TPTE2: variants seen among roughly 807,000 people sequenced by gnomAD.
The protein encoded by TPTE2 is phosphatidylinositol 3,4,5-trisphosphate 3-phosphatase TPTE2.
In TPTE2, 53 loss-of-function variants were observed where a neutral mutation model predicts 78.6. That is an observed-to-expected ratio of 0.67 (90% CI 0.54 to 0.85). The LOEUF (loss-of-function observed/expected upper bound fraction) is 0.85. Among genes scored for constraint, TPTE2 ranks in the 40% least tolerant of loss-of-function variants. The pLI, the probability that TPTE2 is intolerant of heterozygous loss-of-function variation, is 0.00. For missense variants in TPTE2, 461 were observed against 623.0 expected, an observed-to-expected ratio of 0.74 and a Z score of 2.77; for synonymous variants, 175 against 206.2, an observed-to-expected ratio of 0.85 and a Z score of 1.30.
At chr13:19,449,406 G>C (rs1240334389) in intron 13 of TPTE2, among the ~76,000 whole-genome samples, 1 of 152,124 alleles carries the variant, frequency 6.6e-6, no homozygotes, top group African/African-American at 2.4e-5. Context: ...CTCCCAAAGT[G>C]CTGGGATTAC....
At chr13:19,489,405 C>T (rs1363603034) in intron 3 of TPTE2, among the ~76,000 whole-genome samples, 2 of 151,524 alleles carry the variant, frequency 1.3e-5, no homozygotes, top group Non-Finnish European at 1.5e-5. Context: ...TGCATATACA[C>T]ACACATATAT....
At chr13:19,425,982 C>A in intron 18 of TPTE2, 1 of 387,472 alleles carries the variant, frequency 2.6e-6, no homozygotes, top group Non-Finnish European at 5.0e-6. Flanking sequence ...TTGCTTGAGC[C>A]CAGGAGGGTG....
At chr13:19,513,568 A>G (rs1403232640) in intron 1 of TPTE2, among the ~76,000 whole-genome samples, 3 of 152,160 alleles carry the variant, frequency 2.0e-5, no homozygotes, top group Non-Finnish European at 2.9e-5. Context: ...TGCATACACG[A>G]CTTTTTTTGT....
upstream of TPTE2, among the ~76,000 whole-genome samples, chr13:19,541,743 T>G (rs539090052): frequency 7.2e-4 from 109 of 152,332 alleles, no homozygotes; most frequent in African/African-American, 2.5e-3. Context: ...TAAATTACCC[T>G]GACATTGTGG....
intron 4 of TPTE2, among the ~76,000 whole-genome samples, chr13:19,480,614 A>G (rs1880285704): frequency 6.6e-6 from 1 of 152,172 alleles, no homozygotes; most frequent in African/African-American, 2.4e-5. Context: ...ATAAAATAGA[A>G]AAAGGATCAA....
At chr13:19,516,780 T>C (rs1409804467) in intron 1 of TPTE2, among the ~76,000 whole-genome samples, 1 of 152,228 alleles carries the variant, frequency 6.6e-6, no homozygotes, top group Non-Finnish European at 1.5e-5. Flanking sequence ...GTGACCAGTA[T>C]ATGCATATTA....
intron 6 of TPTE2, among the ~76,000 whole-genome samples, chr13:19,469,012 GT>G (rs1025820179): frequency 1.3e-5 from 2 of 152,150 alleles, no homozygotes; most frequent in African/African-American, 4.8e-5. Flanking sequence ...CTACGAAGCA[GT>G]TTTTTAACTT....
At chr13:19,511,403 TA>T (rs1566072009) in intron 1 of TPTE2, among the ~76,000 whole-genome samples, 1 of 152,200 alleles carries the variant, frequency 6.6e-6, no homozygotes, top group Non-Finnish European at 1.5e-5. Context: ...ACAGAACACA[TA>T]TAAATGTATA....
Position 19,470,338 on chromosome 13 carries a change from T to C in TPTE2, c.393-2994A>G, listed in dbSNP as rs1288839572. ...GATATAATGTATCGCATTGATTGAT[T>C]TGCAAATGTTGAACCATCCTTGCAT... On this transcript the variant is annotated intron_variant, in intron 6 of 19. Coordinates refer to ENST00000400230, the Ensembl canonical transcript of TPTE2. Among the ~76,000 whole-genome samples the C allele has an allele frequency of 1.5e-4, 23 of 152,278 alleles. No homozygotes were observed. In the East Asian group the frequency reaches 4.4e-3, roughly 29 times the overall value.
rs191696359 is a variant in TPTE2 at position 19,447,567 on chromosome 13, A to G, written c.973+2509T>C. Among the ~76,000 whole-genome samples, 1,016 of 152,272 alleles carry G rather than the reference A, an allele frequency of 6.7e-3. 7 individuals carry two copies. Among genetic ancestry groups the G allele is most frequent in the African/African-American group, 0.022 (899 of 41,548 alleles). ...TATGAACTAATATACAGCTAAACAC[A>G]GAACCTGTATATTAACTAATGGGCT... On this transcript the variant is annotated intron_variant, in intron 13 of 19. Coordinates refer to ENST00000400230, the Ensembl canonical transcript of TPTE2.
At chr13:19,533,059 T>C (rs1232805270) in intron 1 of TPTE2, among the ~76,000 whole-genome samples, 1 of 152,126 alleles carries the variant, frequency 6.6e-6, no homozygotes, top group African/African-American at 2.4e-5. Flanking sequence ...AATGAATGAG[T>C]GTTATATGTG....
chr13:19,442,127 T>C (rs748562640), intron 13 of TPTE2, among the ~76,000 whole-genome samples: 2 of 152,274 alleles, frequency 1.3e-5, no homozygotes, highest in Non-Finnish European at 2.9e-5. Context: ...TAATACATGT[T>C]CTTTTCAAAT....
chr13:19,438,720 T>G (rs1877283759), intron 13 of TPTE2, among the ~76,000 whole-genome samples: 1 of 152,146 alleles, frequency 6.6e-6, no homozygotes, highest in African/African-American at 2.4e-5. Context: ...CCTCAGTCAT[T>G]TGGAAATAGC....
intron 13 of TPTE2, among the ~76,000 whole-genome samples, chr13:19,447,545 G>T (rs2497072): frequency 1 from 151,681 of 152,242 alleles, 75,564 homozygotes; most frequent in Middle Eastern, 1. Context: ...ACCTGTATAT[G>T]AACTAATATA....
the TPTE2 span, among the ~76,000 whole-genome samples, chr13:19,542,982 A>T: frequency 6.6e-6 from 1 of 152,100 alleles, no homozygotes; most frequent in African/African-American, 2.4e-5. Flanking sequence ...CTGTCTCAAA[A>T]AAAAAAAAAT....
intron 13 of TPTE2, among the ~76,000 whole-genome samples, chr13:19,443,394 TTTC>T (rs1412959393): frequency 5.6e-5 from 4 of 70,858 alleles, no homozygotes; most frequent in South Asian, 5.7e-4. Context: ...TCTTTCTTTC[TTTC>T]TTTTTTTTTT....
At chr13:19,492,095 G>C (rs1203351381) in intron 3 of TPTE2, among the ~76,000 whole-genome samples, 2 of 152,056 alleles carry the variant, frequency 1.3e-5, no homozygotes, top group Admixed American at 1.3e-4. Flanking sequence ...CTTGAATCAG[G>C]TTTTCCGTAT....
the TPTE2 span, among the ~76,000 whole-genome samples, chr13:19,553,043 G>T: frequency 6.7e-6 from 1 of 148,554 alleles, no homozygotes; most frequent in African/African-American, 2.5e-5. Context: ...TAAAGTCTAG[G>T]CTGTTTATCT....
chr13:19,459,181 A>AT (rs1168138671), intron 10 of TPTE2, among the ~76,000 whole-genome samples: 3 of 151,692 alleles, frequency 2.0e-5, no homozygotes, highest in Non-Finnish European at 2.9e-5. Flanking sequence ...TGATGTTGAG[A>AT]TTTTTTTTCA....
Sources: allele counts gnomAD v4.1 joint callset (sites outside exome capture counted in the v4.1 genomes callset), GRCh38; gene constraint gnomAD v4.1.1; transcripts MANE v1.5; gene names NCBI Gene and HGNC (gene_info 2026-07-23, HGNC 2026-07-21).